Variants in LRFN2 observed in about 807,000 individuals in gnomAD.
LRFN2 encodes the protein leucine-rich repeat and fibronectin type-III domain-containing protein 2.
In LRFN2, 18 loss-of-function variants were observed where a neutral mutation model predicts 37.3. The ratio of observed to expected loss-of-function variants is 0.48; its 90% CI spans 0.33 to 0.72. The LOEUF is 0.72. Among genes scored for constraint, LRFN2 ranks in the 30% least tolerant of loss-of-function variants. The probability of loss-of-function intolerance (pLI) is 0.02; values close to 1 mark genes in which losing one functional copy is unlikely to be tolerated. For missense variants in LRFN2, 1,006 were observed against 1,060.7 expected (o/e 0.95, Z 0.72); for synonymous variants, 556 against 466.6 (o/e 1.19, Z -2.47).
chr6:40,400,995 A>AC (rs1762727664), intron 2 of LRFN2, among the ~76,000 whole-genome samples: 1 of 149,490 alleles, frequency 6.7e-6, no homozygotes. Flanking sequence ...CAACCCCCTA[A>AC]CCCCACCTCC....
chr6:40,476,524 G>C (rs1188833276), intron 1 of LRFN2, among the ~76,000 whole-genome samples: 1 of 152,258 alleles, frequency 6.6e-6, no homozygotes, highest in Non-Finnish European at 1.5e-5. Flanking sequence ...TAGGTGCTGA[G>C]TTAGCAGGGG....
chr6:40,577,538 T>C (rs1371623246), intron 1 of LRFN2, among the ~76,000 whole-genome samples: 1 of 149,030 alleles, frequency 6.7e-6, no homozygotes, highest in African/African-American at 2.5e-5. Flanking sequence ...ACCCACTAAC[T>C]CGTCATCTAG....
rs61743605 is a variant in LRFN2 at position 40,392,414 on chromosome 6, C to T, written c.1899G>A (p.Ala633=). 1.0e-4 allele frequency: 163 copies of T among 1,568,714 alleles called. No homozygotes were observed. In the African/African-American group the frequency reaches 1.6e-3, roughly 15 times the overall value. The stretch of plus-strand genomic sequence containing the variant: ...TCCTCCAGGGGGCCCGTCCCAGCCC[C>T]GCAGCCTCCCCACTGCCCAGGGAGC... The part of the protein sequence containing the change: ...SSSSLGSGEA[A]GLGRAPWRIP... Residue 633 remains alanine (A), a synonymous_variant, in exon 3 of 3, where the codon GCG becomes GCA. Transcript: ENST00000338305. This position sits in a 1 kb window ranked among gnomAD's most constrained non-coding sequence, Gnocchi z 4.7.
intron 1 of LRFN2, among the ~76,000 whole-genome samples, chr6:40,460,914 C>G: frequency 6.6e-6 from 1 of 152,164 alleles, no homozygotes; most frequent in East Asian, 1.9e-4. Context: ...TATGCCTCTT[C>G]CTTCTGGCCA....
rs149659549 is a variant in LRFN2, at chr6:40,424,177, G to A, written c.1400+7537C>T. Among the ~76,000 whole-genome samples the A allele has an allele frequency of 2.0e-3, 298 of 152,312 alleles. 1 individual carries two copies. Among genetic ancestry groups the A allele is most frequent in the Non-Finnish European group, 3.5e-3 (238 of 68,032 alleles). On this transcript the variant is annotated intron_variant, in intron 2 of 2. Transcript: ENST00000338305. ...ATTGATTACCTGGATGATCCCAGGT[G>A]GTGGAGTGGAACCAAGCTTCTCACT...
At chr6:40,405,088 G>A (rs1039181932) in intron 2 of LRFN2, among the ~76,000 whole-genome samples, 1 of 152,146 alleles carries the variant, frequency 6.6e-6, no homozygotes, top group East Asian at 1.9e-4. Flanking sequence ...GGCCCCCTCT[G>A]GTCCTTTGTT....
At chr6:40,517,955 C>G (rs779470948) in intron 1 of LRFN2, among the ~76,000 whole-genome samples, 1 of 152,200 alleles carries the variant, frequency 6.6e-6, no homozygotes, top group Admixed American at 6.5e-5. Context: ...CTGCTCCCCA[C>G]CCACTTTCTC....
intron 1 of LRFN2, among the ~76,000 whole-genome samples, chr6:40,519,913 A>G (rs945691297): frequency 7.2e-5 from 11 of 152,222 alleles, no homozygotes; most frequent in African/African-American, 2.4e-4. Context: ...GCCAAGCACT[A>G]TCCTAGGCAT....
chr6:40,571,431 A>G (rs1767184636), intron 1 of LRFN2, among the ~76,000 whole-genome samples: 1 of 152,178 alleles, frequency 6.6e-6, no homozygotes, highest in Admixed American at 6.5e-5. Context: ...GACACCCACC[A>G]TGGGAAAGCA....
chr6:40,419,567 T>A (rs1763174309), intron 2 of LRFN2, among the ~76,000 whole-genome samples: 1 of 152,224 alleles, frequency 6.6e-6, no homozygotes, highest in Non-Finnish European at 1.5e-5. Context: ...TTCTTGGATG[T>A]AAGCCACCTA....
At chr6:40,424,331 A>C (rs969030359) in intron 2 of LRFN2, among the ~76,000 whole-genome samples, 1 of 152,200 alleles carries the variant, frequency 6.6e-6, no homozygotes, top group Non-Finnish European at 1.5e-5. Context: ...GAGAAATTAC[A>C]GCTGGTGTCC....
At chr6:40,461,370 T>C (rs1158049193) in intron 1 of LRFN2, among the ~76,000 whole-genome samples, 2 of 151,942 alleles carry the variant, frequency 1.3e-5, no homozygotes, top group African/African-American at 4.8e-5. Flanking sequence ...ATCACACCAT[T>C]GCACTCCAGC....
intron 1 of LRFN2, among the ~76,000 whole-genome samples, chr6:40,576,618 C>A (rs572206612): frequency 5.6e-4 from 86 of 152,290 alleles, no homozygotes; most frequent in African/African-American, 1.9e-3. Context: ...CCGCAGGTAC[C>A]TGCAGTGCCT....
At chr6:40,556,981 A>T (rs7738344) in intron 1 of LRFN2, among the ~76,000 whole-genome samples, 72,143 of 152,044 alleles carry the variant, frequency 0.47, 18,161 homozygotes, top group African/African-American at 0.64. Context: ...AGACATAATA[A>T]TAACCAGGAT....
intron 2 of LRFN2, among the ~76,000 whole-genome samples, chr6:40,409,457 G>A (rs12200821): frequency 0.019 from 2,859 of 152,314 alleles, 45 homozygotes; most frequent in East Asian, 0.056. Flanking sequence ...TCAGTACAGA[G>A]TATGCTGCTG....
chr6:40,481,435 G>GT (rs1432834744), intron 1 of LRFN2, among the ~76,000 whole-genome samples: 30 of 61,970 alleles, frequency 4.8e-4, no homozygotes, highest in African/African-American at 1.5e-3. Context: ...GAAAAAGATT[G>GT]TCTCAAAAAA....
chr6:40,449,130 T>C (rs1764043270), intron 1 of LRFN2, among the ~76,000 whole-genome samples: 1 of 152,334 alleles, frequency 6.6e-6, no homozygotes, highest in South Asian at 2.1e-4. Context: ...AATAGAGTAT[T>C]GTACATTTCA....
chr6:40,511,981 G>C (rs1358123599), intron 1 of LRFN2, among the ~76,000 whole-genome samples: 1 of 152,202 alleles, frequency 6.6e-6, no homozygotes, highest in Non-Finnish European at 1.5e-5. Flanking sequence ...GAGGCAGGGA[G>C]GGTTTTGCAA....
At chr6:40,466,695 T>A (rs1194864651) in intron 1 of LRFN2, among the ~76,000 whole-genome samples, 1 of 152,110 alleles carries the variant, frequency 6.6e-6, no homozygotes, top group Non-Finnish European at 1.5e-5. Flanking sequence ...CCCAGGCAAG[T>A]CACTTCTGTC....
Sources: gnomAD v4.1 joint callset for allele counts (sites outside exome capture counted in the v4.1 genomes callset) on GRCh38, gnomAD v4.1.1 for gene constraint, Gnocchi (gnomAD v3.1) non-coding constraint, MANE v1.5 for transcripts, NCBI Gene and HGNC (gene_info 2026-07-23, HGNC 2026-07-21) for gene names.